The following SYT16 variants were observed in gnomAD, a reference collection of about 807,000 sequenced individuals.
The protein encoded by SYT16 is synaptotagmin-16.
Under a neutral mutation model 61.4 loss-of-function variants are expected in SYT16, and 42 were observed. That is an observed-to-expected ratio of 0.68 (90% confidence interval 0.53 to 0.89). The LOEUF (loss-of-function observed/expected upper bound fraction) is 0.89. Among genes scored for constraint, SYT16 ranks in the 40% least tolerant of loss-of-function variants. The pLI, the probability that SYT16 is intolerant of heterozygous loss-of-function variation, is 0.00. For synonymous variants in SYT16, 314 were observed against 302.3 expected, an observed-to-expected ratio of 1.04 and a Z score of -0.40; for missense variants, 804 against 807.3, an observed-to-expected ratio of 1.00 and a Z score of 0.05.
chr14:61,864,222 G>A (rs1375157116), intron 1 of SYT16, among the ~76,000 whole-genome samples: 2 of 152,226 alleles, frequency 1.3e-5, no homozygotes, highest in Non-Finnish European at 2.9e-5. Flanking sequence ...CCAGGAGGAG[G>A]TACTCCCCTT....
Position 62,020,804 on chromosome 14 carries a change from T to G in SYT16, c.523+24262T>G, listed in dbSNP as rs1325494860. 2.0e-4 allele frequency among the ~76,000 whole-genome samples: 30 copies of G among 152,188 alleles called. 2 individuals are homozygous for G. Among genetic ancestry groups the G allele is most frequent in the Admixed American group, 2.0e-3 (30 of 15,270 alleles). On this transcript the variant is annotated intron_variant, in intron 3 of 7. Transcript: ENST00000683842. Reference sequence around the variant, plus strand: ...TTGGGGCACCGCATGTCCCCAGTGCTGGCACACACCACCTATGCTGCTTGG... The same window carrying G: ...TTGGGGCACCGCATGTCCCCAGTGCGGGCACACACCACCTATGCTGCTTGG...
upstream of SYT16, chr14:61,812,605 C>G (rs2045301266): frequency 6.7e-6 from 1 of 148,482 alleles, no homozygotes; most frequent in Non-Finnish European, 1.5e-5. Flanking sequence ...ACGCCGGCGG[C>G]GGCCGCAGGG....
At chr14:62,082,638 T>C (rs2056749181) in intron 6 of SYT16, among the ~76,000 whole-genome samples, 1 of 152,226 alleles carries the variant, frequency 6.6e-6, no homozygotes, top group South Asian at 2.1e-4. Context: ...GTCTCAGCTC[T>C]GCTCAGATCT....
intron 3 of SYT16, among the ~76,000 whole-genome samples, chr14:62,067,464 C>G (rs1352309497): frequency 1.3e-5 from 2 of 152,034 alleles, no homozygotes; most frequent in East Asian, 3.9e-4. Context: ...TCAAAGAGCT[C>G]AACAGGAGGA....
At position 61,996,066 on chromosome 14, in the gene SYT16, C is replaced by A; in HGVS notation, c.47C>A (p.Pro16His). ...ASQDVQNFFQ[P>H]FSSWISRVYE... is the part of the protein sequence containing the mutation. The stretch of plus-strand genomic sequence containing the variant: ...CAGGATGTTCAGAACTTCTTCCAGC[C>A]TTTCTCTTCCTGGATATCTCGGGTT... The change falls in exon 3 of 8, where the codon CCT (proline) becomes CAT (histidine). Residue 16 changes from proline to histidine, a missense_variant. Physicochemically the swap from Pro to His is moderately conservative, Grantham distance 77. Transcript: ENST00000683842. 1 of 1,610,330 alleles carries A rather than the reference C, an allele frequency of 6.2e-7. No homozygotes were observed. Among genetic ancestry groups the A allele is most frequent in the Non-Finnish European group, 8.5e-7 (1 of 1,178,006 alleles).
intron 2 of SYT16, among the ~76,000 whole-genome samples, chr14:61,979,350 T>C (rs1463519342): frequency 6.6e-6 from 1 of 152,128 alleles, no homozygotes; most frequent in Non-Finnish European, 1.5e-5. Flanking sequence ...AGAAAGACAT[T>C]TTTCAGGATA....
At chr14:61,920,069 C>T (rs528621329) in intron 1 of SYT16, among the ~76,000 whole-genome samples, 5 of 152,274 alleles carry the variant, frequency 3.3e-5, no homozygotes, top group African/African-American at 9.6e-5. Flanking sequence ...CCCCGACATA[C>T]ACACATTGCT....
chr14:61,908,817 CTTCCTTTCT>C (rs1346712959), intron 1 of SYT16, among the ~76,000 whole-genome samples: 2 of 152,100 alleles, frequency 1.3e-5, no homozygotes, highest in African/African-American at 2.4e-5. Flanking sequence ...TTCTTTCTTT[CTTCCTTTCT>C]TTCCTTTCTT....
chr14:61,839,200 A>G (rs541798560), intron 1 of SYT16, among the ~76,000 whole-genome samples: 1 of 152,212 alleles, frequency 6.6e-6, no homozygotes, highest in Non-Finnish European at 1.5e-5. Flanking sequence ...TGTGTGGCCA[A>G]AGGGAGGTGT....
intron 3 of SYT16, among the ~76,000 whole-genome samples, chr14:62,026,007 T>G (rs2054089511): frequency 6.6e-6 from 1 of 152,206 alleles, no homozygotes; most frequent in African/African-American, 2.4e-5. Flanking sequence ...TGTGTGGTGA[T>G]TCTCCAAGTT....
intron 1 of SYT16, among the ~76,000 whole-genome samples, chr14:61,845,689 G>A (rs1021693139): frequency 1.1e-4 from 16 of 151,876 alleles, no homozygotes; most frequent in East Asian, 1.9e-4. Context: ...ATTTATTTCC[G>A]TTCTGATCTT....
At chr14:61,990,650 A>G (rs2140604309) in intron 2 of SYT16, among the ~76,000 whole-genome samples, 1 of 152,258 alleles carries the variant, frequency 6.6e-6, no homozygotes, top group Admixed American at 6.5e-5. Flanking sequence ...GCTTTCACCA[A>G]AATAACAGAT....
intron 1 of SYT16, among the ~76,000 whole-genome samples, chr14:61,901,863 G>A (rs2048534523): frequency 6.6e-6 from 1 of 151,866 alleles, no homozygotes; most frequent in Non-Finnish European, 1.5e-5. Flanking sequence ...CTGGGTTCAA[G>A]CGATTCTCCT....
At chr14:62,008,616 T>C (rs1049672127) in intron 3 of SYT16, among the ~76,000 whole-genome samples, 2 of 148,374 alleles carry the variant, frequency 1.3e-5, no homozygotes, top group African/African-American at 5.0e-5. Flanking sequence ...ATGATTCCCA[T>C]TGTGTTTCTG....
At chr14:61,882,539 A>C (rs1348378612) in intron 1 of SYT16, among the ~76,000 whole-genome samples, 1 of 152,202 alleles carries the variant, frequency 6.6e-6, no homozygotes, top group Non-Finnish European at 1.5e-5. Context: ...TGGGGATTAC[A>C]GAGATTACAA....
chr14:62,053,105 G>A (rs1238537566), intron 3 of SYT16, among the ~76,000 whole-genome samples: 2 of 152,126 alleles, frequency 1.3e-5, no homozygotes, highest in African/African-American at 4.8e-5. Context: ...AAGTGATTCT[G>A]GTAAGGGCTC....
At chr14:61,828,841 C>T (rs774655917) in intron 1 of SYT16, among the ~76,000 whole-genome samples, 3 of 152,184 alleles carry the variant, frequency 2.0e-5, no homozygotes, top group Admixed American at 6.5e-5. Flanking sequence ...AGATCAAATT[C>T]TTTTTCCTTA....
chr14:62,002,691 T>C (rs2140662260), intron 3 of SYT16, among the ~76,000 whole-genome samples: 1 of 152,252 alleles, frequency 6.6e-6, no homozygotes, highest in Middle Eastern at 3.4e-3. Context: ...TAGAAGTGTT[T>C]ACTCTGTTCT....
At chr14:62,013,739 G>A (rs1030697945) in intron 3 of SYT16, among the ~76,000 whole-genome samples, 5 of 152,146 alleles carry the variant, frequency 3.3e-5, no homozygotes, top group African/African-American at 9.7e-5. Flanking sequence ...ACCGAGGCAG[G>A]CAGATCATGA....
Sources: gnomAD v4.1 joint callset for allele counts (sites outside exome capture counted in the v4.1 genomes callset) on GRCh38, gnomAD v4.1.1 for gene constraint, MANE v1.5 for transcripts, NCBI Gene and HGNC (gene_info 2026-07-23, HGNC 2026-07-21) for gene names.